DMD: variants seen among roughly 807,000 people sequenced by gnomAD.
The protein encoded by DMD is mutant dystrophin.
A neutral mutation model predicts 330.1 loss-of-function variants in DMD; 63 were observed. That is an observed-to-expected ratio of 0.19 (90% CI 0.16 to 0.24). DMD has a LOEUF of 0.24. Ranked by LOEUF, DMD falls within the 10% of genes least tolerant of loss-of-function variation. The probability of loss-of-function intolerance (pLI) is 1.00; values close to 1 mark genes in which losing one functional copy is unlikely to be tolerated. For missense variants in DMD, 3,344 were observed against 2,684.1 expected (o/e 1.25, Z -5.43); for synonymous variants, 1,223 against 959.8 (o/e 1.27, Z -5.07).
At chrX:31,673,238 A>G (rs770514923) in intron 53 of DMD, among the ~76,000 whole-genome samples, 7 of 112,110 alleles carry the variant, frequency 6.2e-5, no homozygotes, top group Admixed American at 3.8e-4. Flanking sequence ...CAACTTAAAA[A>G]ACCTCAAACT....
chrX:31,521,927 A>T (rs868292011), intron 55 of DMD, among the ~76,000 whole-genome samples: 1 of 111,628 alleles, frequency 9.0e-6, no homozygotes, highest in African/African-American at 3.3e-5. Flanking sequence ...GGGTCACTCT[A>T]AACTTTTACT....
At chrX:32,325,987 T>C (rs1246640616) in intron 41 of DMD, among the ~76,000 whole-genome samples, 1 of 111,223 alleles carries the variant, frequency 9.0e-6, no homozygotes, top group Non-Finnish European at 1.9e-5. Context: ...GATATTGTAA[T>C]CCATAAAAAT....
intron 41 of DMD, among the ~76,000 whole-genome samples, chrX:32,314,882 G>A (rs2097577713): frequency 9.0e-6 from 1 of 111,548 alleles, no homozygotes; most frequent in African/African-American, 3.3e-5. Flanking sequence ...AAAAAGTCAG[G>A]AAACAACTGA....
chrX:32,579,233 C>G (rs1043638362), intron 13 of DMD, among the ~76,000 whole-genome samples: 5 of 111,749 alleles, frequency 4.5e-5, no homozygotes, highest in African/African-American at 1.3e-4. Flanking sequence ...GCGGATAAAC[C>G]TATTTTGATG....
At chrX:32,452,392 A>AGGGAAG (rs1569563140) in intron 26 of DMD, among the ~76,000 whole-genome samples, 1 of 17,838 alleles carries the variant, frequency 5.6e-5, no homozygotes, top group Non-Finnish European at 1.1e-4. Flanking sequence ...GGAAAGGGAA[A>AGGGAAG]GGGAAGGGAA....
intron 64 of DMD, among the ~76,000 whole-genome samples, chrX:31,218,060 T>C (rs2045591684): frequency 8.9e-6 from 1 of 111,753 alleles, no homozygotes; most frequent in Admixed American, 9.5e-5. Context: ...CCAAAGTTTA[T>C]TGGAAATTAT....
intron 1 of DMD, among the ~76,000 whole-genome samples, chrX:33,247,789 G>C (rs1481808292): frequency 9.0e-6 from 1 of 111,490 alleles, no homozygotes; most frequent in Non-Finnish European, 1.9e-5. Context: ...AATGCTATAA[G>C]CATTTTTATG....
At chrX:31,850,453 C>T (rs761288007) in intron 48 of DMD, among the ~76,000 whole-genome samples, 81 of 111,771 alleles carry the variant, frequency 7.2e-4, no homozygotes, top group Non-Finnish European at 1.2e-3. Flanking sequence ...AATATACTTC[C>T]CTTCCCATTG....
At chrX:31,436,628 T>C (rs891766294) in intron 60 of DMD, among the ~76,000 whole-genome samples, 8 of 112,126 alleles carry the variant, frequency 7.1e-5, no homozygotes, top group African/African-American at 2.6e-4. Flanking sequence ...TGTACAAACA[T>C]TGAAAACCAA....
At position 32,220,611 on chromosome X, in the gene DMD, C is replaced by T. The variant is rs188488300; in HGVS notation, c.6291-3548G>A. ...ATTTTTTATCATGACTACTTTTAAA[C>T]TCTTTTCCACCAAGGAAAATTCCAA... On this transcript the variant is annotated intron_variant, in intron 43 of 78. Coordinates refer to ENST00000357033, the MANE Select transcript of DMD (RefSeq NM_004006.3). Among the ~76,000 whole-genome samples, 556 of 110,846 alleles carry T rather than the reference C, an allele frequency of 5.0e-3. 2 individuals are homozygous for T. The highest frequency in any genetic ancestry group is 0.016 in the African/African-American group (497 of 30,573).
intron 13 of DMD, among the ~76,000 whole-genome samples, chrX:32,587,994 G>A (rs1190472568): frequency 1.8e-5 from 2 of 111,232 alleles, no homozygotes; most frequent in Non-Finnish European, 3.8e-5. Context: ...TGTAGATAAG[G>A]AACAGAGCAG....
intron 59 of DMD, among the ~76,000 whole-genome samples, chrX:31,469,578 C>T (rs941256886): frequency 9.0e-6 from 1 of 111,674 alleles, no homozygotes; most frequent in Non-Finnish European, 1.9e-5. Flanking sequence ...GGTAGCCTGA[C>T]CTTTCTCTCT....
intron 60 of DMD, among the ~76,000 whole-genome samples, chrX:31,355,366 A>G (rs755380360): frequency 8.9e-6 from 1 of 112,215 alleles, no homozygotes; most frequent in African/African-American, 3.2e-5. Flanking sequence ...ATTACTACAT[A>G]CATAAATCAT....
Position 32,007,614 on chromosome X carries a change from C to T in DMD, c.6439-39100G>A, listed in dbSNP as rs12559761. Among the ~76,000 whole-genome samples, 31 of 111,064 alleles carry T rather than the reference C, an allele frequency of 2.8e-4. No homozygotes were observed. The South Asian group carries it at 0.012, about 42-fold the overall frequency. On this transcript the variant is annotated intron_variant, in intron 44 of 78. Transcript: ENST00000357033. ...AGAGACACGTCAATCTTAAAGGATG[C>T]TAAAAGCTGGTAGGCTTTAGGTCCA...
intron 1 of DMD, among the ~76,000 whole-genome samples, chrX:33,257,434 G>A (rs929925639): frequency 9.0e-6 from 1 of 110,643 alleles, no homozygotes; most frequent in African/African-American, 3.3e-5. Context: ...TTGTTAATAA[G>A]GAGAGTAAAT....
At chrX:31,776,233 G>A (rs999164798) in intron 50 of DMD, among the ~76,000 whole-genome samples, 17 of 111,105 alleles carry the variant, frequency 1.5e-4, no homozygotes, top group Admixed American at 1.1e-3. Flanking sequence ...AGGCTGACTG[G>A]CAAATGTGGA....
intron 7 of DMD, among the ~76,000 whole-genome samples, chrX:32,720,548 G>T (rs1002434351): frequency 5.4e-5 from 6 of 110,986 alleles, no homozygotes; most frequent in African/African-American, 2.0e-4. Context: ...TATTATCTTG[G>T]TCCATGGGTG....
At chrX:32,227,005 A>C (rs1297182458) in intron 43 of DMD, among the ~76,000 whole-genome samples, 1 of 108,158 alleles carries the variant, frequency 9.2e-6, no homozygotes, top group Non-Finnish European at 1.9e-5. Context: ...TACACTTTGC[A>C]CAAATTTACT....
intron 15 of DMD, among the ~76,000 whole-genome samples, chrX:32,570,455 A>T (rs944752520): frequency 6.2e-5 from 7 of 112,135 alleles, no homozygotes; most frequent in African/African-American, 2.3e-4. Context: ...TTGGAAAATT[A>T]TTGACTTTCT....
Sources: allele counts gnomAD v4.1 joint callset (sites outside exome capture counted in the v4.1 genomes callset), GRCh38; gene constraint gnomAD v4.1.1; transcripts MANE v1.5; gene names NCBI Gene and HGNC (gene_info 2026-07-23, HGNC 2026-07-21).